IPPK: variants seen among roughly 807,000 people sequenced by gnomAD.
IPPK encodes the protein inositol-pentakisphosphate 2-kinase.
Under a neutral mutation model 64.6 loss-of-function variants are expected in IPPK, and 22 were observed. The observed-to-expected ratio is 0.34, with a 90% CI of 0.24 to 0.49. The LOEUF (loss-of-function observed/expected upper bound fraction) is 0.49. Among genes scored for constraint, IPPK ranks in the 20% least tolerant of loss-of-function variants. The pLI is 0.99. For missense variants in IPPK, 532 were observed against 630.7 expected, an observed-to-expected ratio of 0.84 and a Z score of 1.68; for synonymous variants, 262 against 247.2, an observed-to-expected ratio of 1.06 and a Z score of -0.56.
In IPPK at chr9:92,616,041, C is replaced by T. The variant is rs748223421; in HGVS notation, c.1267G>A (p.Val423Ile). 9 of 1,613,904 alleles carry T rather than the reference C, an allele frequency of 5.6e-6. 1 individual carries two copies. The South Asian group carries it at 7.7e-5, about 14-fold the overall frequency. The change falls in exon 13 of 13, where the codon GTC becomes ATC. Residue 423 changes from valine (V) to isoleucine (I), a missense_variant. Physicochemically the swap from Val to Ile is conservative, Grantham distance 29. Transcript: ENST00000287996. ...AACCTGGACCTCGATGAAGGGACGA[C>T]AGGCCTTTGATCAGAGCTGCAAGTA... Reference protein sequence around the residue: ...LQDASSDQRPVVPSSRSRFAF... With the variant: ...LQDASSDQRPIVPSSRSRFAF...
At chr9:92,618,454 C>T in intron 12 of IPPK, 1 of 456,706 alleles carries the variant, frequency 2.2e-6, no homozygotes, top group South Asian at 1.5e-5. Flanking sequence ...GTCTGTCCTT[C>T]AGCGGCCTTT....
intron 1 of IPPK, among the ~76,000 whole-genome samples, chr9:92,660,293 G>T (rs1852455502): frequency 6.6e-6 from 1 of 152,154 alleles, no homozygotes; most frequent in Non-Finnish European, 1.5e-5. Flanking sequence ...GTGTGACTGA[G>T]GGTCATGCTT....
At chr9:92,641,115 G>A (rs577123049) in intron 7 of IPPK, among the ~76,000 whole-genome samples, 6 of 152,324 alleles carry the variant, frequency 3.9e-5, no homozygotes, top group East Asian at 3.9e-4. Context: ...AGCCCAACCC[G>A]AGACGGGTTA....
chr9:92,643,131 C>T (rs1852084191), intron 6 of IPPK, among the ~76,000 whole-genome samples: 1 of 152,224 alleles, frequency 6.6e-6, no homozygotes, highest in East Asian at 1.9e-4. Flanking sequence ...GAGTAACAAA[C>T]CTTCAGAAGT....
At chr9:92,620,682 C>A (rs1399136793) in intron 11 of IPPK, 3 of 152,192 alleles carry the variant, frequency 2.0e-5, no homozygotes, top group East Asian at 3.9e-4. Flanking sequence ...AAGGGCAGGA[C>A]TGGATGGGAG....
intron 11 of IPPK, among the ~76,000 whole-genome samples, chr9:92,623,085 C>G (rs1206492320): frequency 6.6e-6 from 1 of 152,064 alleles, no homozygotes; most frequent in Non-Finnish European, 1.5e-5. Flanking sequence ...GGGAAAAAGA[C>G]TGGTAAATTA....
chr9:92,621,775 C>T (rs1308831911), intron 11 of IPPK, among the ~76,000 whole-genome samples: 3 of 152,128 alleles, frequency 2.0e-5, no homozygotes, highest in Non-Finnish European at 4.4e-5. Context: ...CCTTGGCCTC[C>T]CAAAGTGTTG....
intron 12 of IPPK, chr9:92,616,282 C>G: frequency 2.1e-6 from 1 of 485,348 alleles, no homozygotes. Flanking sequence ...CGTGTGACAG[C>G]TGTCTGTGCC....
intron 2 of IPPK, among the ~76,000 whole-genome samples, chr9:92,658,061 G>A (rs1852408224): frequency 6.6e-6 from 1 of 152,212 alleles, no homozygotes; most frequent in South Asian, 2.1e-4. Flanking sequence ...GGCCCTGAAT[G>A]CAGGAAGCCT....
chr9:92,638,404 A>C, intron 8 of IPPK, 124 bp from the exon 9 acceptor site: 2 of 1,098,040 alleles, frequency 1.8e-6, no homozygotes, highest in South Asian at 3.1e-5. Flanking sequence ...CTGTCCACCC[A>C]ATCTGGGGCC....
intron 11 of IPPK, among the ~76,000 whole-genome samples, chr9:92,629,631 A>T (rs1851797524): frequency 6.6e-6 from 1 of 151,234 alleles, no homozygotes; most frequent in Non-Finnish European, 1.5e-5. Flanking sequence ...GTGCACTTAT[A>T]GTTAGTCCCA....
rs139668905 is a variant in IPPK, at chr9:92,620,003, C to T, written c.1171-438G>A. ...GTGTTCAGCAAGGCATCGCTTAGAA[C>T]GACATTCCCTCCGGAACATCATACA... On this transcript the variant is annotated intron_variant, in intron 11 of 12. Coordinates refer to ENST00000287996, the MANE Select transcript of IPPK (RefSeq NM_022755.6). The T allele has an allele frequency of 7.3e-4, 136 of 185,300 alleles. 1 individual carries two copies. The East Asian group carries it at 0.016, about 21-fold the overall frequency. 11.5% of individuals were successfully genotyped at this position (185,300 alleles called of 1,614,324 possible).
intron 11 of IPPK, among the ~76,000 whole-genome samples, chr9:92,632,603 C>T (rs893146048): frequency 4.6e-5 from 7 of 152,222 alleles, no homozygotes; most frequent in African/African-American, 7.2e-5. Context: ...CCTAAATCAA[C>T]GTACCCAACT....
intron 8 of IPPK, among the ~76,000 whole-genome samples, chr9:92,638,852 C>T (rs1490246965): frequency 3.3e-5 from 5 of 152,152 alleles, no homozygotes; most frequent in Non-Finnish European, 7.3e-5. Flanking sequence ...TCAAGCCCAG[C>T]AAAGAAACTC....
At chr9:92,655,112 C>A (rs1443997049) in intron 3 of IPPK, among the ~76,000 whole-genome samples, 1 of 152,226 alleles carries the variant, frequency 6.6e-6, no homozygotes, top group African/African-American at 2.4e-5. Flanking sequence ...GGGCTGGGAG[C>A]CAGGGTGTGG....
intron 3 of IPPK, among the ~76,000 whole-genome samples, chr9:92,655,972 G>A (rs1389389790): frequency 6.6e-6 from 1 of 152,132 alleles, no homozygotes; most frequent in African/African-American, 2.4e-5. Flanking sequence ...ACAGACCCCA[G>A]CACAGGCGGC....
At chr9:92,619,056 T>G (rs111450153) in intron 12 of IPPK, 3 of 230,410 alleles carry the variant, frequency 1.3e-5, no homozygotes, top group African/African-American at 6.8e-5. Flanking sequence ...AATGCGCGCC[T>G]CACAGGCTTT....
chr9:92,614,604 CACAA>C lies in IPPK; in HGVS notation c.*1224_*1227del, dbSNP rs938213919. On this transcript the variant is annotated 3_prime_UTR_variant, in exon 13 of 13. Coordinates refer to ENST00000287996, the MANE Select transcript of IPPK (RefSeq NM_022755.6). ...ATTCTCAAGTTATCACAAAATTTCC[CACAA>C]AAATTTACAATCAGCAAAATAGTTT... The C allele has an allele frequency of 1.3e-5, 2 of 152,586 alleles. No homozygotes were observed. Among genetic ancestry groups the C allele is most frequent in the African/African-American group, 4.8e-5 (2 of 41,422 alleles). 9.5% of individuals were successfully genotyped at this position (152,586 alleles called of 1,614,324 possible). A position where few individuals can be genotyped will look rare whatever the true frequency, so the allele number is the denominator to read the frequency against.
intron 3 of IPPK, among the ~76,000 whole-genome samples, chr9:92,653,154 C>A (rs1405279331): frequency 2.6e-5 from 4 of 152,232 alleles, no homozygotes; most frequent in Admixed American, 1.3e-4. Context: ...CGTGGTATAA[C>A]CAATGCCCAG....
Sources: gnomAD v4.1 joint callset for allele counts (sites outside exome capture counted in the v4.1 genomes callset) on GRCh38, gnomAD v4.1.1 for gene constraint, MANE v1.5 for transcripts, NCBI Gene and HGNC (gene_info 2026-07-23, HGNC 2026-07-21) for gene names.